CACNA1C: variants seen among roughly 807,000 people sequenced by gnomAD.
CACNA1C encodes the protein voltage-dependent L-type calcium channel subunit alpha-1C.
A neutral mutation model predicts 229.0 loss-of-function variants in CACNA1C; 30 were observed. That is an observed-to-expected ratio of 0.13 (90% CI 0.10 to 0.18). The LOEUF is 0.18. CACNA1C is among the 10% of genes least tolerant of loss of function. The probability of loss-of-function intolerance (pLI) is 1.00; values close to 1 mark genes in which losing one functional copy is unlikely to be tolerated. For missense variants in CACNA1C, 1,658 were observed against 2,845.0 expected, an observed-to-expected ratio of 0.58 and a Z score of 9.49; for synonymous variants, 1,114 against 1,132.5, an observed-to-expected ratio of 0.98 and a Z score of 0.33.
intron 1 of CACNA1C, among the ~76,000 whole-genome samples, chr12:1,973,328 C>T (rs1169209706): frequency 6.6e-6 from 1 of 152,078 alleles, no homozygotes. Flanking sequence ...TACTCATGAA[C>T]ATTTTGGGGG....
At chr12:2,596,917 A>G (rs2068531077) in intron 20 of CACNA1C, among the ~76,000 whole-genome samples, 2 of 152,172 alleles carry the variant, frequency 1.3e-5, no homozygotes, top group South Asian at 4.2e-4. Flanking sequence ...AAATTGGATT[A>G]ATGGGAAAAG....
chr12:2,219,666 T>A (rs1205528892), intron 3 of CACNA1C, among the ~76,000 whole-genome samples: 2 of 152,154 alleles, frequency 1.3e-5, no homozygotes, highest in Non-Finnish European at 2.9e-5. Context: ...TTGGTGATGA[T>A]GTGAATTAGA....
chr12:2,664,189 CAT>C (rs2095941318), intron 34 of CACNA1C, among the ~76,000 whole-genome samples: 1 of 152,214 alleles, frequency 6.6e-6, no homozygotes, highest in South Asian at 2.1e-4. Context: ...ACAGCAGTGA[CAT>C]ATTATCTCAC....
At chr12:1,993,105 T>G (rs112637373) in intron 1 of CACNA1C, 30,720 of 914,846 alleles carry the variant, frequency 0.034, 693 homozygotes, top group Middle Eastern at 0.08. Context: ...TATTCCATCA[T>G]TAGGGCATGC....
intron 11 of CACNA1C, among the ~76,000 whole-genome samples, chr12:2,559,880 G>A (rs1259377123): frequency 6.6e-6 from 1 of 152,120 alleles, no homozygotes; most frequent in African/African-American, 2.4e-5. Flanking sequence ...GTTCTAGTAG[G>A]CAGGTTAAAA....
chr12:2,283,536 G>A (rs1241585387), intron 3 of CACNA1C, among the ~76,000 whole-genome samples: 4 of 152,320 alleles, frequency 2.6e-5, no homozygotes, highest in South Asian at 2.1e-4. Flanking sequence ...ATACTCACTG[G>A]ATTAGGGATT....
At chr12:2,551,847 G>A (rs2099904625) in intron 10 of CACNA1C, among the ~76,000 whole-genome samples, 1 of 152,078 alleles carries the variant, frequency 6.6e-6, no homozygotes, top group South Asian at 2.1e-4. Flanking sequence ...TCAGGGAAGA[G>A]GATAATGAGG....
intron 3 of CACNA1C, among the ~76,000 whole-genome samples, chr12:2,420,924 C>G (rs1306382066): frequency 3.9e-5 from 6 of 152,178 alleles, no homozygotes; most frequent in Non-Finnish European, 8.8e-5. Flanking sequence ...GCTCTGAAAC[C>G]TTAGTGCCTT....
At chr12:2,265,667 G>T (rs185830246) in intron 3 of CACNA1C, among the ~76,000 whole-genome samples, 1 of 152,304 alleles carries the variant, frequency 6.6e-6, no homozygotes, top group Non-Finnish European at 1.5e-5. Flanking sequence ...TCTCTGCTGG[G>T]GATGCCAGAG....
intron 1 of CACNA1C, chr12:1,993,001 G>A (rs937934688): frequency 1.4e-5 from 9 of 625,672 alleles, no homozygotes; most frequent in Admixed American, 1.4e-4. Flanking sequence ...GATCAGCAAT[G>A]GGTTCACACT....
intron 3 of CACNA1C, among the ~76,000 whole-genome samples, chr12:2,414,838 G>A (rs919465836): frequency 9.2e-5 from 14 of 152,192 alleles, no homozygotes; most frequent in South Asian, 4.1e-4. Flanking sequence ...GGTGTCTGCC[G>A]GGGAGACCCT....
In CACNA1C at chr12:2,575,662, A is replaced by T. The variant is rs2058121021; in HGVS notation, c.1896-5928A>T. ...GAATTTTTTTTTAGCCTTCAGGATG[A>T]GAACATTTTGGGCAGGTATCAAACT... On this transcript the variant is annotated intron_variant, in intron 13 of 46. Transcript: ENST00000399655. This position sits in a 1 kb window ranked among gnomAD's most constrained non-coding sequence, Gnocchi z 4.0. 6.6e-6 allele frequency among the ~76,000 whole-genome samples: 1 copy of T among 152,154 alleles called. No individual in the cohort carries two copies. The highest frequency in any genetic ancestry group is 1.5e-5 in the Non-Finnish European group (1 of 68,040).
chr12:2,058,771 G>A (rs1190386190), intron 1 of CACNA1C, among the ~76,000 whole-genome samples: 8 of 152,192 alleles, frequency 5.3e-5, no homozygotes, highest in African/African-American at 1.7e-4. Context: ...TTTCGAAGCC[G>A]GGTGTGTAGA....
chr12:2,653,795 G>T lies in CACNA1C; in HGVS notation c.4075-40G>T. ...CTGGGAAGGGGCCCAGCTGGCCTCT[G>T]CACTCCAGCCTCATGGGAGTCTCCT... is the stretch of plus-strand genomic sequence containing the variant. On this transcript the variant is annotated intron_variant, in intron 32 of 46. Coordinates refer to ENST00000399655, the MANE Select transcript of CACNA1C (RefSeq NM_000719.7). The surrounding 1 kb of genome is among the most constrained non-coding windows in gnomAD (Gnocchi z 4.7). 1 of 1,578,318 alleles carries T rather than the reference G, an allele frequency of 6.3e-7. No homozygotes were observed.
chr12:2,097,393 G>A lies in CACNA1C; in HGVS notation c.50-17831G>A, dbSNP rs565109213. 4.7e-4 allele frequency among the ~76,000 whole-genome samples: 71 copies of A among 152,144 alleles called. No individual in the cohort carries two copies. The South Asian group carries it at 6.9e-3, about 15-fold the overall frequency. On this transcript the variant is annotated intron_variant, in intron 1 of 46. Transcript: ENST00000399655. ...GATCTCCTGACCTTGTGATCCGCCC[G>A]CCTCGACCTCCCAAAGTGCTGGGAT... is the stretch of plus-strand genomic sequence containing the variant.
chr12:2,089,367 A>G (rs1298034196), intron 1 of CACNA1C, among the ~76,000 whole-genome samples: 1 of 152,206 alleles, frequency 6.6e-6, no homozygotes, highest in East Asian at 1.9e-4. Context: ...TATTAAATAC[A>G]ACAGAGGTCT....
intron 3 of CACNA1C, among the ~76,000 whole-genome samples, chr12:2,324,267 C>A (rs967794517): frequency 6.6e-6 from 1 of 152,186 alleles, no homozygotes; most frequent in African/African-American, 2.4e-5. Flanking sequence ...GTGAAACCAC[C>A]TCACAGGGCC....
chr12:2,591,649 A>T (rs2065375964), intron 18 of CACNA1C, among the ~76,000 whole-genome samples: 1 of 151,974 alleles, frequency 6.6e-6, no homozygotes, highest in Admixed American at 6.6e-5. Context: ...ACAGAGAGAG[A>T]GAGAGCATGA....
chr12:2,121,939 G>C (rs1413121778), intron 3 of CACNA1C, among the ~76,000 whole-genome samples: 2 of 152,184 alleles, frequency 1.3e-5, no homozygotes. Context: ...CAGTGGTGAA[G>C]GTGTGTAGAG....
Sources: gnomAD v4.1 joint callset for allele counts (sites outside exome capture counted in the v4.1 genomes callset) on GRCh38, gnomAD v4.1.1 for gene constraint, Gnocchi (gnomAD v3.1) non-coding constraint, MANE v1.5 for transcripts, NCBI Gene and HGNC (gene_info 2026-07-23, HGNC 2026-07-21) for gene names.